The following SRR variants were observed in gnomAD, a reference collection of about 807,000 sequenced individuals.
The protein encoded by SRR is serine racemase.
Under a neutral mutation model 32.7 loss-of-function variants are expected in SRR, and 19 were observed. The observed-to-expected ratio is 0.58, with a 90% confidence interval of 0.40 to 0.85. The LOEUF is 0.85. Ranked by LOEUF, SRR falls within the 40% of genes least tolerant of loss-of-function variation. SRR has a pLI of 0.00. For missense variants in SRR, 373 were observed against 404.7 expected (o/e 0.92, Z 0.67); for synonymous variants, 142 against 140.9 (o/e 1.01, Z -0.06).
Position 2,324,957 on chromosome 17 carries a change from A to C in SRR, c.*1084A>C. On this transcript the variant is annotated 3_prime_UTR_variant, in exon 8 of 8. Transcript: ENST00000344595. ...CCCTGCCCTAGCCCAATCTGAGGCT[A>C]AGATTGGTAAACTGTAAGCCCACAC... 9.5e-7 allele frequency: 1 copy of C among 1,058,066 alleles called. No individual in the cohort carries two copies. Among genetic ancestry groups the C allele is most frequent in the Non-Finnish European group, 1.3e-6 (1 of 755,206 alleles). 65.5% of individuals were successfully genotyped at this position (1,058,066 alleles called of 1,614,324 possible).
Position 2,323,914 on chromosome 17 carries a change from T to C in SRR, c.*41T>C, listed in dbSNP as rs1185685754. ...ATGGTGGGAATTCAGTGTCTTTAGA[T>C]ACTGAAGACATTTTGTTTCCTAGTA... On this transcript the variant is annotated 3_prime_UTR_variant, in exon 8 of 8. Coordinates refer to ENST00000344595, the MANE Select transcript of SRR (RefSeq NM_021947.3). 5 of 1,523,806 alleles carry C rather than the reference T, an allele frequency of 3.3e-6. No homozygotes were observed. Among genetic ancestry groups the C allele is most frequent in the Non-Finnish European group, 4.5e-6 (5 of 1,102,338 alleles). The allele number at this position is 1,523,806 out of a possible 1,614,324, so 94.4% of individuals were successfully genotyped here.
intron 1 of SRR, among the ~76,000 whole-genome samples, chr17:2,309,602 C>A (rs575762305): frequency 3.7e-4 from 56 of 152,228 alleles, no homozygotes; most frequent in African/African-American, 1.3e-3. Flanking sequence ...TAGGTATTCA[C>A]TCTAATGTGT....
Position 2,324,393 on chromosome 17 carries a change from A to G in SRR, c.*520A>G. 6.3e-7 allele frequency: 1 copy of G among 1,591,428 alleles called. No homozygotes were observed. Among genetic ancestry groups the G allele is most frequent in the Non-Finnish European group, 8.5e-7 (1 of 1,170,080 alleles). On this transcript the variant is annotated 3_prime_UTR_variant, in exon 8 of 8. Transcript: ENST00000344595. ...TGGGTACCTAGAAAGACATCAGAAC[A>G]AGTCGGTCAAATTAAAAGTAGAAAA... is the stretch of plus-strand genomic sequence containing the variant.
At position 2,315,717 on chromosome 17, in the gene SRR, G is replaced by A. The variant is rs974124968; in HGVS notation, c.157G>A (p.Gly53Arg). Reference sequence around the variant, plus strand: ...CAAATGTGAACTCTTCCAGAAAACAGGATCTTTTAAGGTAACAATCCTTTT... The same window carrying A: ...CAAATGTGAACTCTTCCAGAAAACAAGATCTTTTAAGGTAACAATCCTTTT... ...FFKCELFQKT[G>R]SFKIRGALNA... The change falls in exon 2 of 8, where the codon GGA (glycine) becomes AGA (arginine). Residue 53 changes from glycine to arginine, a missense_variant. Gly to Arg is a moderately radical substitution (Grantham distance 125). Transcript: ENST00000344595. 15 of 1,613,618 alleles carry A rather than the reference G, an allele frequency of 9.3e-6. No homozygotes were observed. Among genetic ancestry groups the A allele is most frequent in the Non-Finnish European group, 1.3e-5 (15 of 1,179,884 alleles).
Position 2,318,826 on chromosome 17 carries a change from G to A in SRR, c.296G>A (p.Gly99Glu), listed in dbSNP as rs1028011671. Residue 99 changes from glycine to glutamate, a missense_variant and splice_region_variant, in exon 4 of 8, where the codon GGA becomes GAA. By Grantham distance (98) the Gly-to-Glu change is moderately conservative (BLOSUM62 -2). Transcript: ENST00000344595. ...TTTTCCTCTCGTTTTCCTCTCCCAG[G>A]AATTCCTGCTTATATTGTGGTGCCC... ...QALTYAAKLE[G>E]IPAYIVVPQT... 1.9e-6 allele frequency: 3 copies of A among 1,611,630 alleles called. No homozygotes were observed. Among genetic ancestry groups the A allele is most frequent in the South Asian group, 1.1e-5 (1 of 90,982 alleles).
At chr17:2,312,247 A>G (rs1486136977) in intron 1 of SRR, among the ~76,000 whole-genome samples, 1 of 151,856 alleles carries the variant, frequency 6.6e-6, no homozygotes, top group African/African-American at 2.4e-5. Context: ...GAAAAGAACA[A>G]GTGGCCAAGA....
chr17:2,323,613 G>T, intron 7 of SRR, 42 bp from the exon 8 acceptor site: 1 of 1,596,426 alleles, frequency 6.3e-7, no homozygotes, highest in South Asian at 1.1e-5. Context: ...AAACCAACTA[G>T]ACTCCCCTTT....
intron 2 of SRR, among the ~76,000 whole-genome samples, chr17:2,316,706 T>TTTTTG (rs543573450): frequency 2.2e-3 from 328 of 151,358 alleles, no homozygotes; most frequent in Non-Finnish European, 3.3e-3. Context: ...ATGAAACGCT[T>TTTTTG]TTTTGTTTTG....
intron 1 of SRR, chr17:2,307,583 G>A: frequency 9.7e-7 from 1 of 1,030,762 alleles, no homozygotes; most frequent in Non-Finnish European, 1.5e-6. Context: ...TTGGACCCAT[G>A]AAGGGAGGAA....
chr17:2,323,669 G>A lies in SRR; in HGVS notation c.819G>A (p.Leu273=). 6.2e-7 allele frequency: 1 copy of A among 1,614,080 alleles called. No individual in the cohort carries two copies. ...TEDEIKCATQ[L]VWERMKLLIE... is the part of the protein sequence containing the mutation. ...CATATCAACAGTGTGCAACCCAGCT[G>A]GTGTGGGAGAGGATGAAACTACTCA... The change falls in exon 8 of 8, where the codon CTG becomes CTA. Residue 273 remains leucine (L), a synonymous_variant. Coordinates refer to ENST00000344595, the MANE Select transcript of SRR (RefSeq NM_021947.3).
chr17:2,323,304 C>G lies in SRR; in HGVS notation c.763C>G (p.Leu255Val). Residue 255 changes from leucine (L) to valine (V), a missense_variant, in exon 7 of 8, where the codon CTT becomes GTT. Leu to Val is a conservative substitution (Grantham distance 32, BLOSUM62 1). Transcript: ENST00000344595. ...GLNTWPIIRD[L>V]VDDIFTVTED... The stretch of plus-strand genomic sequence containing the variant: ...GAACACCTGGCCTATTATCAGGGAC[C>G]TTGTGGATGATATCTTCACTGTCAC... 1 of 1,614,060 alleles carries G rather than the reference C, an allele frequency of 6.2e-7. No homozygotes were observed. Among genetic ancestry groups the G allele is most frequent in the Non-Finnish European group, 8.5e-7 (1 of 1,179,944 alleles).
intron 6 of SRR, among the ~76,000 whole-genome samples, chr17:2,322,245 C>T (rs754887200): frequency 3.6e-4 from 55 of 151,954 alleles, no homozygotes; most frequent in Non-Finnish European, 6.8e-4. Context: ...CTTCTTAATC[C>T]ATGACAATTT....
chr17:2,307,841 T>C (rs1041527606), intron 1 of SRR: 18 of 658,696 alleles, frequency 2.7e-5, no homozygotes, highest in African/African-American at 2.1e-4. Flanking sequence ...ACAAAGAAGA[T>C]ATGTTTTAGA....
Position 2,303,960 on chromosome 17 carries a change from G to T in SRR, c.-62G>T, listed in dbSNP as rs1225558956. On this transcript the variant is annotated 5_prime_UTR_variant, in exon 1 of 8. Coordinates refer to ENST00000344595, the MANE Select transcript of SRR (RefSeq NM_021947.3). The stretch of plus-strand genomic sequence containing the variant: ...GGGCGGGCGCTGCGCGTGCGCAGAG[G>T]TGCGGCCGGGGAGGCGCGCGGAGGC... The T allele has an allele frequency of 7.6e-6, 3 of 394,152 alleles. No homozygotes were observed. Among genetic ancestry groups the T allele is most frequent in the Non-Finnish European group, 1.3e-5 (3 of 222,890 alleles). 24.4% of individuals were successfully genotyped at this position (394,152 alleles called of 1,614,324 possible). A position where few individuals can be genotyped will look rare whatever the true frequency, so the allele number is the denominator to read the frequency against.
At chr17:2,319,583 G>T (rs151267384) in intron 4 of SRR, among the ~76,000 whole-genome samples, 119 of 151,792 alleles carry the variant, frequency 7.8e-4, no homozygotes, top group African/African-American at 2.7e-3. Context: ...ACACAGCCAG[G>T]AATCCTCTCT....
intron 2 of SRR, among the ~76,000 whole-genome samples, chr17:2,315,978 A>G (rs1449527240): frequency 1.3e-5 from 2 of 152,050 alleles, no homozygotes; most frequent in African/African-American, 2.4e-5. Flanking sequence ...AGTAATTTTT[A>G]TATATATGTA....
At chr17:2,307,454 G>C (rs563698351) in intron 1 of SRR, 1 of 1,411,940 alleles carries the variant, frequency 7.1e-7, no homozygotes, top group East Asian at 2.3e-5. Flanking sequence ...GGTGGCAGCT[G>C]TGGTGGTGGT....
In SRR at chr17:2,321,315, A is replaced by C. The variant is rs779840569; in HGVS notation, c.409A>C (p.Asn137His). ...ATTAATGTACTTTCAGTCCAGAGAAAATGTTGCAAAAAGAGTTACAGAAGA... is the reference window on the plus strand; with the variant it reads ...ATTAATGTACTTTCAGTCCAGAGAACATGTTGCAAAAAGAGTTACAGAAGA... ...YCEPSDESRE[N>H]VAKRVTEETE... Residue 137 changes from asparagine to histidine, a missense_variant, in exon 5 of 8, where the codon AAT becomes CAT. Coordinates refer to ENST00000344595, the MANE Select transcript of SRR (RefSeq NM_021947.3). The C allele has an allele frequency of 6.2e-7, 1 of 1,613,770 alleles. No individual in the cohort carries two copies. The highest frequency in any genetic ancestry group is 8.5e-7 in the Non-Finnish European group (1 of 1,179,942).
intron 1 of SRR, among the ~76,000 whole-genome samples, chr17:2,305,825 G>A (rs1485688734): frequency 6.6e-6 from 1 of 151,982 alleles, no homozygotes; most frequent in Non-Finnish European, 1.5e-5. Context: ...AGCCTCCTGA[G>A]TAGCTGGTAT....
Sources: allele counts gnomAD v4.1 joint callset (sites outside exome capture counted in the v4.1 genomes callset), GRCh38; gene constraint gnomAD v4.1.1; transcripts MANE v1.5; gene names NCBI Gene and HGNC (gene_info 2026-07-23, HGNC 2026-07-21).